Variants in FHIT observed in about 807,000 individuals in gnomAD.
FHIT encodes the protein fragile histidine triad diadenosine triphosphatase.
FHIT carries 19 observed loss-of-function variants against 17.9 expected under a neutral mutation model. That is an observed-to-expected ratio of 1.06 (90% CI 0.74 to 1.56). FHIT has a LOEUF of 1.56. Among genes scored for constraint, FHIT ranks in the 40% most tolerant of loss-of-function variants. The pLI is 0.00. For synonymous variants in FHIT, 81 were observed against 69.7 expected (o/e 1.16, Z -0.81); for missense variants, 248 against 189.2 (o/e 1.31, Z -1.82).
intron 4 of FHIT, among the ~76,000 whole-genome samples, chr3:60,819,080 T>G (rs1553738534): frequency 1.3e-5 from 2 of 151,622 alleles, no homozygotes; most frequent in East Asian, 3.9e-4. Context: ...ACTTTATAGT[T>G]GATATCTGTG....
At chr3:59,769,367 C>T (rs13095971) in intron 8 of FHIT, among the ~76,000 whole-genome samples, 11,797 of 152,194 alleles carry the variant, frequency 0.078, 531 homozygotes, top group South Asian at 0.12. Flanking sequence ...ACCTGCTCAC[C>T]CTCCATTGGG....
Position 60,402,605 on chromosome 3 carries a change from G to A in FHIT, c.103+134255C>T, listed in dbSNP as rs143387462. On this transcript the variant is annotated intron_variant, in intron 5 of 9. Coordinates refer to ENST00000492590, the MANE Select transcript of FHIT (RefSeq NM_002012.4). ...TTAATACCTATTACTGCAACAACAT[G>A]CACCAGATTTCTGACAGACACCTGT... Among the ~76,000 whole-genome samples the A allele has an allele frequency of 4.8e-3, 736 of 152,218 alleles. 11 individuals are homozygous for A. Among genetic ancestry groups the A allele is most frequent in the African/African-American group, 0.017 (711 of 41,536 alleles).
intron 5 of FHIT, among the ~76,000 whole-genome samples, chr3:60,365,834 T>C (rs1426880982): frequency 6.6e-6 from 1 of 152,196 alleles, no homozygotes; most frequent in African/African-American, 2.4e-5. Context: ...GATTTCATTA[T>C]GGAACATTTT....
intron 5 of FHIT, among the ~76,000 whole-genome samples, chr3:60,374,990 G>C (rs1700486241): frequency 6.6e-6 from 1 of 151,836 alleles, no homozygotes; most frequent in Admixed American, 6.6e-5. Flanking sequence ...TGCAATATTT[G>C]GAGCCTGAAA....
At chr3:59,857,607 G>C (rs1383103186) in intron 8 of FHIT, among the ~76,000 whole-genome samples, 1 of 151,440 alleles carries the variant, frequency 6.6e-6, no homozygotes, top group Admixed American at 6.6e-5. Context: ...GCCTAACAAA[G>C]ATTCAAGAGT....
At chr3:59,890,674 A>G (rs1302234125) in intron 8 of FHIT, among the ~76,000 whole-genome samples, 1 of 152,220 alleles carries the variant, frequency 6.6e-6, no homozygotes, top group African/African-American at 2.4e-5. Flanking sequence ...TCTTTGAAAC[A>G]CTATTACCAA....
chr3:60,195,287 G>C (rs1373645647), intron 5 of FHIT, among the ~76,000 whole-genome samples: 1 of 151,840 alleles, frequency 6.6e-6, no homozygotes, highest in East Asian at 1.9e-4. Context: ...GGTAAAAAAG[G>C]GAACATTTAT....
chr3:60,837,062 T>G (rs1487603714), intron 3 of FHIT, among the ~76,000 whole-genome samples: 3 of 152,210 alleles, frequency 2.0e-5, no homozygotes, highest in Non-Finnish European at 4.4e-5. Flanking sequence ...CTAGCCACTT[T>G]GAAGTAATCT....
In FHIT at chr3:60,109,494, G is replaced by A. The variant is rs144638869; in HGVS notation, c.104-95342C>T. Among the ~76,000 whole-genome samples the A allele has an allele frequency of 7.8e-3, 1,191 of 152,184 alleles. 10 individuals are homozygous for A. The highest frequency in any genetic ancestry group is 0.027 in the African/African-American group (1,101 of 41,500). On this transcript the variant is annotated intron_variant, in intron 5 of 9. Coordinates refer to ENST00000492590, the MANE Select transcript of FHIT (RefSeq NM_002012.4). The stretch of plus-strand genomic sequence containing the variant: ...AGAGAGTAAATAGAGATATTTCTTG[G>A]GCCAAATAATGAGAAGAATCACAAC...
chr3:60,015,928 G>C (rs1025540715), intron 5 of FHIT, among the ~76,000 whole-genome samples: 6 of 152,022 alleles, frequency 3.9e-5, no homozygotes, highest in African/African-American at 1.4e-4. Context: ...AAACAACTCA[G>C]GGAAAGCAAA....
intron 7 of FHIT, among the ~76,000 whole-genome samples, chr3:59,987,895 C>G (rs938517911): frequency 1.3e-5 from 2 of 151,978 alleles, no homozygotes; most frequent in Non-Finnish European, 2.9e-5. Context: ...TATCAAGAAG[C>G]CTTAGGTACA....
intron 7 of FHIT, among the ~76,000 whole-genome samples, chr3:59,994,363 G>T (rs1699416280): frequency 6.6e-6 from 1 of 152,034 alleles, no homozygotes; most frequent in African/African-American, 2.4e-5. Flanking sequence ...CAATCCATCT[G>T]CAGAGAAACA....
At chr3:60,491,747 A>G (rs905138040) in intron 5 of FHIT, among the ~76,000 whole-genome samples, 52 of 152,214 alleles carry the variant, frequency 3.4e-4, no homozygotes, top group African/African-American at 1.1e-3. Context: ...GCTAGTGAAG[A>G]TAAGAAAACC....
intron 3 of FHIT, among the ~76,000 whole-genome samples, chr3:60,940,407 T>C (rs149878901): frequency 2.0e-5 from 3 of 152,270 alleles, no homozygotes; most frequent in Admixed American, 6.5e-5. Flanking sequence ...TAATCTGAGA[T>C]ATGAGCTTCT....
chr3:60,437,359 A>C (rs1198830016), intron 5 of FHIT, among the ~76,000 whole-genome samples: 1 of 152,140 alleles, frequency 6.6e-6, no homozygotes, highest in African/African-American at 2.4e-5. Flanking sequence ...TACTCCATTA[A>C]GTTATAAAAT....
intron 2 of FHIT, among the ~76,000 whole-genome samples, chr3:61,056,264 A>C (rs1397043481): frequency 6.6e-6 from 1 of 152,214 alleles, no homozygotes; most frequent in Non-Finnish European, 1.5e-5. Flanking sequence ...CTCCACAAAA[A>C]GGGAAAAAAA....
chr3:60,740,500 T>C (rs1384279421), intron 4 of FHIT, among the ~76,000 whole-genome samples: 3 of 152,236 alleles, frequency 2.0e-5, no homozygotes, highest in Non-Finnish European at 4.4e-5. Context: ...TATATTGATA[T>C]TGCTGCCTCT....
At chr3:60,473,793 C>T (rs2033207713) in intron 5 of FHIT, among the ~76,000 whole-genome samples, 1 of 151,970 alleles carries the variant, frequency 6.6e-6, no homozygotes, top group African/African-American at 2.4e-5. Flanking sequence ...TGGCAGCATG[C>T]ACCTGTATAG....
intron 4 of FHIT, among the ~76,000 whole-genome samples, chr3:60,731,911 C>T (rs529426379): frequency 6.6e-6 from 1 of 152,290 alleles, no homozygotes; most frequent in Admixed American, 6.5e-5. Context: ...TGACTAGCTA[C>T]CTACTGTAAC....
Sources: allele counts gnomAD v4.1 joint callset (sites outside exome capture counted in the v4.1 genomes callset), GRCh38; gene constraint gnomAD v4.1.1; transcripts MANE v1.5; gene names NCBI Gene and HGNC (gene_info 2026-07-23, HGNC 2026-07-21).